The following ESPL1 variants were observed in gnomAD, a reference collection of about 807,000 sequenced individuals.
The protein encoded by ESPL1 is extra spindle pole bodies like 1, separase.
ESPL1 carries 50 observed loss-of-function variants against 217.2 expected under a neutral mutation model. The ratio of observed to expected loss-of-function variants is 0.23; its 90% CI spans 0.18 to 0.29. The LOEUF is 0.29. Among genes scored for constraint, ESPL1 ranks in the 10% least tolerant of loss-of-function variants. The probability of loss-of-function intolerance (pLI) is 1.00; values close to 1 mark genes in which losing one functional copy is unlikely to be tolerated. For missense variants in ESPL1, 1,834 were observed against 2,603.0 expected (o/e 0.70, Z 6.43); for synonymous variants, 994 against 1,081.3 (o/e 0.92, Z 1.58).
chr12:53,287,737 T>G, intron 18 of ESPL1: 1 of 444,966 alleles, frequency 2.2e-6, no homozygotes, highest in East Asian at 3.8e-5. Flanking sequence ...TTAACTCTAA[T>G]GTTTCTTTTA....
rs753939853 is a variant in ESPL1 at position 53,270,363 on chromosome 12, C to A, written c.1144-15C>A. On this transcript the variant is annotated splice_polypyrimidine_tract_variant and intron_variant, in intron 3 of 30. Coordinates refer to ENST00000257934, the MANE Select transcript of ESPL1 (RefSeq NM_012291.5). ...ATCTCTACTCCTCATACCAACCTTC[C>A]GCTTCCTTCCTCAGGTGTATGGGGG... The A allele has an allele frequency of 1.3e-6, 2 of 1,575,694 alleles. No homozygotes were observed. Among genetic ancestry groups the A allele is most frequent in the Admixed American group, 1.7e-5 (1 of 59,930 alleles).
At chr12:53,272,908 G>A (rs752249456) in intron 6 of ESPL1, 51 bp downstream of exon 6, 6 of 1,599,712 alleles carry the variant, frequency 3.8e-6, no homozygotes, top group Non-Finnish European at 5.1e-6. Context: ...TTGGGGAGCG[G>A]GGGGAGCGGG....
At chr12:53,280,905 G>A (rs985435170) in intron 12 of ESPL1, among the ~76,000 whole-genome samples, 2 of 151,240 alleles carry the variant, frequency 1.3e-5, no homozygotes, top group African/African-American at 4.9e-5. Context: ...AGACAGGAGA[G>A]CACTTGATCC....
In ESPL1 at chr12:53,292,937, C is replaced by T. The variant is rs768377439; in HGVS notation, c.6128C>T (p.Ala2043Val). ...GCTGTGCGTGGAAACCTGGAGGGGG[C>T]TGGCATCGTGCTCAAGTACATCATG... The part of the protein sequence containing the change: ...ALAVRGNLEG[A>V]GIVLKYIMAG... The change falls in exon 30 of 31, where the codon GCT (alanine) becomes GTT (valine). Residue 2043 changes from alanine (A) to valine (V), a missense_variant. Physicochemically the swap from Ala to Val is moderately conservative, Grantham distance 64 (BLOSUM62 0). This residue lies in a region of ESPL1 where 295 missense variants were observed against 519.8 expected (regional missense o/e 0.57). Coordinates refer to ENST00000257934, the MANE Select transcript of ESPL1 (RefSeq NM_012291.5). The surrounding 1 kb of genome is among the most constrained non-coding windows in gnomAD (Gnocchi z 4.5). The T allele has an allele frequency of 2.5e-6, 4 of 1,613,850 alleles. No individual in the cohort carries two copies. The South Asian group carries it at 3.3e-5, about 13-fold the overall frequency.
At position 53,288,055 on chromosome 12, in the gene ESPL1, T is replaced by C; in HGVS notation, c.4260T>C (p.Thr1420=). The C allele has an allele frequency of 6.2e-7, 1 of 1,613,646 alleles. No homozygotes were observed. The highest frequency in any genetic ancestry group is 8.5e-7 in the Non-Finnish European group (1 of 1,180,036). ...WLAEEPKRRG[T]ASRGRGRARK... ...CAGAGGAGCCTAAGAGACGGGGCAC[T>C]GCTTCCCGGGGCCGGGGGCGAGCAA... Residue 1420 remains threonine (T), a synonymous_variant, in exon 19 of 31, where the codon ACT becomes ACC. Transcript: ENST00000257934.
At chr12:53,272,688 C>T in intron 5 of ESPL1, 33 bp from the exon 6 acceptor site, 1 of 1,607,196 alleles carries the variant, frequency 6.2e-7, no homozygotes, top group Non-Finnish European at 8.5e-7. Flanking sequence ...GGGAGCCTTT[C>T]CTATGGTCAA....
At chr12:53,275,258 C>T (rs1188681178) in intron 7 of ESPL1, among the ~76,000 whole-genome samples, 3 of 152,154 alleles carry the variant, frequency 2.0e-5, no homozygotes, top group Admixed American at 6.5e-5. Flanking sequence ...GTCAGGAGAT[C>T]GAGACCATCC....
At chr12:53,272,599 T>G in intron 5 of ESPL1, 122 bp from the exon 6 acceptor site, 1 of 1,126,474 alleles carries the variant, frequency 8.9e-7, no homozygotes, top group Middle Eastern at 2.6e-4. Context: ...GCAGTAGGGG[T>G]TCCTGTCTGA....
chr12:53,283,003 G>T, intron 14 of ESPL1, 126 bp from the exon 15 acceptor site: 1 of 1,250,410 alleles, frequency 8.0e-7, no homozygotes. Context: ...AAGGAGTTAT[G>T]AGATTGATTA....
In ESPL1 at chr12:53,290,331, GC is replaced by G. The variant is rs763864593; in HGVS notation, c.5242-12del. On this transcript the variant is annotated splice_polypyrimidine_tract_variant and intron_variant, in intron 23 of 30. Coordinates refer to ENST00000257934, the MANE Select transcript of ESPL1 (RefSeq NM_012291.5). The stretch of plus-strand genomic sequence containing the variant: ...CACGTGGACAAGCAGAGCTCTCACA[GC>G]CCCATCTCCCAAAGCTTCATCTGCG... The G allele has an allele frequency of 1.2e-4, 193 of 1,611,808 alleles. 2 individuals are homozygous for G. The highest frequency in any genetic ancestry group is 1.2e-5 in the Non-Finnish European group (14 of 1,180,016).
chr12:53,289,949 G>T, intron 22 of ESPL1, 136 bp from the exon 23 acceptor site: 2 of 912,442 alleles, frequency 2.2e-6, no homozygotes, highest in African/African-American at 3.3e-5. Flanking sequence ...TAGAGCAAGG[G>T]AGAGCACCTT....
At position 53,290,836 on chromosome 12, in the gene ESPL1, T is replaced by C. The variant is rs1294733606; in HGVS notation, c.5365-5T>C. On this transcript the variant is annotated splice_region_variant and splice_polypyrimidine_tract_variant and intron_variant, in intron 24 of 30. Transcript: ENST00000257934. Reference sequence around the variant, plus strand: ...CTGACTGAAGGGTCTGCCCTCTGCATTCAGGTTCTCATCGCTTCCCTAGAG... The same window carrying C: ...CTGACTGAAGGGTCTGCCCTCTGCACTCAGGTTCTCATCGCTTCCCTAGAG... The C allele has an allele frequency of 6.5e-7, 1 of 1,550,022 alleles. No individual in the cohort carries two copies.
In ESPL1 at chr12:53,279,727, A is replaced by T. The variant is rs1171576988; in HGVS notation, c.2365-5A>T. On this transcript the variant is annotated splice_region_variant and splice_polypyrimidine_tract_variant and intron_variant, in intron 11 of 30. Coordinates refer to ENST00000257934, the MANE Select transcript of ESPL1 (RefSeq NM_012291.5). ...GGAGTAAACTTGGCTGCTTCTGCTG[A>T]CCAGCCCATGCAGGCTCTGGAGGTC... 3.1e-6 allele frequency: 5 copies of T among 1,613,924 alleles called. No homozygotes were observed. In the African/African-American group the frequency reaches 6.7e-5, roughly 22 times the overall value.
At chr12:53,275,379 TGA>T (rs1565754120) in intron 7 of ESPL1, among the ~76,000 whole-genome samples, 1 of 152,032 alleles carries the variant, frequency 6.6e-6, no homozygotes. Context: ...GAGAATGGCG[TGA>T]ACCCGGGAGG....
At position 53,286,582 on chromosome 12, in the gene ESPL1, C is replaced by T. The variant is rs1178044269; in HGVS notation, c.3846C>T (p.Cys1282=). 1 of 1,614,078 alleles carries T rather than the reference C, an allele frequency of 6.2e-7. No individual in the cohort carries two copies. The highest frequency in any genetic ancestry group is 8.5e-7 in the Non-Finnish European group (1 of 1,180,040). Residue 1282 remains cysteine (C), a synonymous_variant, in exon 18 of 31, where the codon TGC becomes TGT. Transcript: ENST00000257934. The surrounding 1 kb of genome is among the most constrained non-coding windows in gnomAD (Gnocchi z 5.3). ...TCACAAAACTAGGTGGCCTCAGCTG[C>T]TGTACTACCCAACTTTTTGCAAGCT... The part of the protein sequence containing the change: ...WALTKLGGLS[C]CTTQLFASSW...
At position 53,282,569 on chromosome 12, in the gene ESPL1, T is replaced by A; in HGVS notation, c.2791+134T>A. The A allele has an allele frequency of 1.3e-6, 1 of 753,884 alleles. No homozygotes were observed. Among genetic ancestry groups the A allele is most frequent in the Non-Finnish European group, 2.2e-6 (1 of 463,614 alleles). The allele number at this position is 753,884 out of a possible 1,614,324, so 46.7% of individuals were successfully genotyped here. ...ACCTAGAACCTGCACAGAGTAGGCC[T>A]GGGATAGCAGATGGGTTTCAGTTTG... On this transcript the variant is annotated intron_variant, in intron 14 of 30. Coordinates refer to ENST00000257934, the MANE Select transcript of ESPL1 (RefSeq NM_012291.5). The surrounding 1 kb of genome is among the most constrained non-coding windows in gnomAD (Gnocchi z 4.0).
intron 11 of ESPL1, among the ~76,000 whole-genome samples, chr12:53,279,225 T>C (rs373966725): frequency 1.2e-4 from 18 of 152,268 alleles, no homozygotes; most frequent in East Asian, 5.8e-4. Flanking sequence ...TCAGGGAGTT[T>C]CACAAAATTC....
chr12:53,289,053 G>C (rs977270621), intron 20 of ESPL1, 37 bp from the exon 21 acceptor site: 1 of 1,493,696 alleles, frequency 6.7e-7, no homozygotes, highest in Middle Eastern at 1.7e-4. Flanking sequence ...ATGAAATAAG[G>C]AATTCAGCTG....
Position 53,289,098 on chromosome 12 carries a change from A to T in ESPL1, c.4717A>T (p.Thr1573Ser), listed in dbSNP as rs1210208255. 1 of 1,613,352 alleles carries T rather than the reference A, an allele frequency of 6.2e-7. No individual in the cohort carries two copies. Among genetic ancestry groups the T allele is most frequent in the African/African-American group, 1.3e-5 (1 of 74,856 alleles). The change falls in exon 21 of 31, where the codon ACC becomes TCC. Residue 1573 changes from threonine (T) to serine (S), a missense_variant. By Grantham distance (58) the Thr-to-Ser change is moderately conservative (BLOSUM62 1). This residue lies in a region of ESPL1 where 681 missense variants were observed against 808.0 expected (regional missense o/e 0.84). Transcript: ENST00000257934. Reference sequence around the variant, plus strand: ...TCCTGACGTTCTTCTAGGTCTTTCTACCCTGGACTCCATCTGTGACTCCCT... The same window carrying T: ...TCCTGACGTTCTTCTAGGTCTTTCTTCCCTGGACTCCATCTGTGACTCCCT... ...PSAPVATGLS[T>S]LDSICDSLSV...
Sources: allele counts gnomAD v4.1 joint callset (sites outside exome capture counted in the v4.1 genomes callset), GRCh38; gene constraint gnomAD v4.1.1; regional missense constraint gnomAD v4.1.1; non-coding constraint Gnocchi (gnomAD v3.1); transcripts MANE v1.5; gene names NCBI Gene and HGNC (gene_info 2026-07-23, HGNC 2026-07-21).